RSPH6A: variants seen among roughly 807,000 people sequenced by gnomAD.
The protein encoded by RSPH6A is radial spoke head protein 6 homolog A.
Under a neutral mutation model 66.1 loss-of-function variants are expected in RSPH6A, and 49 were observed. The ratio of observed to expected loss-of-function variants is 0.74; its 90% CI spans 0.59 to 0.94. RSPH6A has a LOEUF of 0.94. Among genes scored for constraint, RSPH6A ranks in the 40% least tolerant of loss-of-function variants. The pLI is 0.00. For missense variants in RSPH6A, 977 were observed against 948.3 expected (o/e 1.03, Z -0.40); for synonymous variants, 419 against 402.4 (o/e 1.04, Z -0.49).
intron 5 of RSPH6A, 54 bp from the exon 6 acceptor site, chr19:45,796,160 C>CTTTTTTT: frequency 1.1e-6 from 1 of 920,114 alleles, no homozygotes; most frequent in Non-Finnish European, 1.5e-6. Context: ...CCAGACTTGA[C>CTTTTTTT]TTTTTTTTTT....
At position 45,814,767 on chromosome 19, in the gene RSPH6A, G is replaced by A; in HGVS notation, c.410C>T (p.Thr137Ile). 6.2e-7 allele frequency: 1 copy of A among 1,613,840 alleles called. No individual in the cohort carries two copies. The highest frequency in any genetic ancestry group is 8.5e-7 in the Non-Finnish European group (1 of 1,179,860). Reference protein sequence around the residue: ...QSSLFQQLDPTFQEPPVNPLG... With the variant: ...QSSLFQQLDPIFQEPPVNPLG... ...GGGGTTGACTGGGGGCTCCTGGAAG[G>A]TGGGGTCCAGTTGCTGGAACAGGCT... The change falls in exon 1 of 6, where the codon ACC (threonine) becomes ATC (isoleucine). Residue 137 changes from threonine (T) to isoleucine (I), a missense_variant. Physicochemically the swap from Thr to Ile is moderately conservative, Grantham distance 89. Transcript: ENST00000221538.
intron 5 of RSPH6A, among the ~76,000 whole-genome samples, chr19:45,799,827 A>T (rs1970448122): frequency 6.6e-6 from 1 of 152,126 alleles, no homozygotes; most frequent in Non-Finnish European, 1.5e-5. Flanking sequence ...CGGGCAGATC[A>T]CTCGAGGTCA....
At chr19:45,812,145 G>A (rs1970638482) in intron 1 of RSPH6A, among the ~76,000 whole-genome samples, 1 of 151,686 alleles carries the variant, frequency 6.6e-6, no homozygotes, top group South Asian at 2.1e-4. Flanking sequence ...AGGCTGGAGT[G>A]CAGTGGCTCG....
Position 45,814,610 on chromosome 19 carries a change from C to T in RSPH6A, c.567G>A (p.Val189=), listed in dbSNP as rs1382660485. The stretch of plus-strand genomic sequence containing the variant: ...CCAGCTCCAGAGGCTCGGGCTCAGG[C>T]ACCTGGGCACTGTAGTGTGGGAAGC... The part of the protein sequence containing the change: ...ELGFPHYSAQ[V]PEPEPLELAV... Residue 189 remains valine (V), a synonymous_variant, in exon 1 of 6, where the codon GTG becomes GTA. Transcript: ENST00000221538. 1.3e-6 allele frequency: 2 copies of T among 1,581,614 alleles called. No homozygotes were observed. Among genetic ancestry groups the T allele is most frequent in the Non-Finnish European group, 1.7e-6 (2 of 1,164,892 alleles).
At chr19:45,813,264 G>A (rs964662747) in intron 1 of RSPH6A, among the ~76,000 whole-genome samples, 5 of 152,004 alleles carry the variant, frequency 3.3e-5, no homozygotes, top group Non-Finnish European at 5.9e-5. Context: ...CTCTTCCTCC[G>A]GTCATCTGCA....
At chr19:45,803,693 G>GAAAAGA (rs1555791377) in intron 3 of RSPH6A, among the ~76,000 whole-genome samples, 5 of 136,052 alleles carry the variant, frequency 3.7e-5, no homozygotes, top group African/African-American at 1.1e-4. Context: ...GAAAAGAAAA[G>GAAAAGA]AAAAAAAAAA....
chr19:45,800,315 G>C (rs1970454215), intron 5 of RSPH6A, 131 bp downstream of exon 5: 2 of 721,926 alleles, frequency 2.8e-6, no homozygotes, highest in Admixed American at 2.5e-5. Flanking sequence ...AGCTATGAGG[G>C]CATTAGTCCT....
chr19:45,801,379 G>C lies in RSPH6A; in HGVS notation c.1798+741C>G, dbSNP rs530412037. On this transcript the variant is annotated intron_variant, in intron 4 of 5. Transcript: ENST00000221538. ...GGATCTGGCTTCAAATCCAGGACCT[G>C]TCCCCTGGCCCACTCCTAGCCTCTC... Among the ~76,000 whole-genome samples, 24 of 152,310 alleles carry C rather than the reference G, an allele frequency of 1.6e-4. No homozygotes were observed. In the South Asian group the frequency reaches 5.0e-3, roughly 32 times the overall value.
rs369919857 is a variant in RSPH6A, at chr19:45,814,784, G to T, written c.393C>A (p.Phe131Leu). The T allele has an allele frequency of 3.7e-6, 6 of 1,613,874 alleles. No individual in the cohort carries two copies. Among genetic ancestry groups the T allele is most frequent in the Non-Finnish European group, 5.1e-6 (6 of 1,179,858 alleles). ...QRLQQGQSSL[F>L]QQLDPTFQEP... ...CCTGGAAGGTGGGGTCCAGTTGCTG[G>T]AACAGGCTGCTTTGGCCCTGCTGGA... The change falls in exon 1 of 6, where the codon TTC becomes TTA. Residue 131 changes from phenylalanine (F) to leucine (L), a missense_variant. Coordinates refer to ENST00000221538, the MANE Select transcript of RSPH6A (RefSeq NM_030785.4).
At chr19:45,800,955 G>A (rs1226637516) in intron 4 of RSPH6A, among the ~76,000 whole-genome samples, 2 of 151,814 alleles carry the variant, frequency 1.3e-5, no homozygotes, top group African/African-American at 2.4e-5. Context: ...GCACCACCAC[G>A]CCCGGCTAAT....
intron 1 of RSPH6A, among the ~76,000 whole-genome samples, chr19:45,811,898 G>A (rs191886464): frequency 2.0e-5 from 3 of 148,846 alleles, no homozygotes; most frequent in East Asian, 2.0e-4. Context: ...CTCCTGCCTC[G>A]GCCTCCTGAG....
In RSPH6A at chr19:45,796,060, CGGG is replaced by C. The variant is rs772404570; in HGVS notation, c.1960_1962del (p.Pro654del). 4 of 1,607,774 alleles carry C rather than the reference CGGG, an allele frequency of 2.5e-6. No individual in the cohort carries two copies. Among genetic ancestry groups the C allele is most frequent in the Non-Finnish European group, 3.4e-6 (4 of 1,175,504 alleles). ...GCTGGCAGGGCCGGGTTGAAGCTCT[CGGG>C]GCTGTACTTGTGACCCCAGCCGATG... is the stretch of plus-strand genomic sequence containing the variant. On this transcript the variant is annotated inframe_deletion, in exon 6 of 6. Coordinates refer to ENST00000221538, the MANE Select transcript of RSPH6A (RefSeq NM_030785.4).
At chr19:45,812,376 A>G (rs969855317) in intron 1 of RSPH6A, among the ~76,000 whole-genome samples, 2 of 152,200 alleles carry the variant, frequency 1.3e-5, no homozygotes, top group South Asian at 4.2e-4. Flanking sequence ...GGCGTGAGCC[A>G]CCAGGCCCGG....
At chr19:45,808,799 C>T (rs1351683475) in intron 2 of RSPH6A, among the ~76,000 whole-genome samples, 2 of 149,888 alleles carry the variant, frequency 1.3e-5, no homozygotes, top group Non-Finnish European at 3.0e-5. Context: ...GTAGCTGGGA[C>T]TACAGGTGAC....
chr19:45,802,789 G>A (rs1014209019), intron 3 of RSPH6A, among the ~76,000 whole-genome samples: 3 of 149,770 alleles, frequency 2.0e-5, no homozygotes, highest in East Asian at 2.0e-4. Context: ...TTACAGGTGC[G>A]AGCCATTGCA....
chr19:45,806,932 T>C (rs192563578), intron 2 of RSPH6A, among the ~76,000 whole-genome samples: 320 of 151,660 alleles, frequency 2.1e-3, no homozygotes, highest in Admixed American at 3.4e-3. Context: ...TCTTGCTCTG[T>C]CACCCAGGCT....
At chr19:45,809,925 A>C (rs1970600181) in intron 2 of RSPH6A, among the ~76,000 whole-genome samples, 2 of 152,330 alleles carry the variant, frequency 1.3e-5, no homozygotes, top group African/African-American at 4.8e-5. Flanking sequence ...CAAAATGCTG[A>C]ATCATGCATT....
chr19:45,802,615 C>T (rs1970487444), intron 3 of RSPH6A, among the ~76,000 whole-genome samples: 1 of 149,746 alleles, frequency 6.7e-6, no homozygotes, highest in Non-Finnish European at 1.5e-5. Flanking sequence ...AAGTGATTCT[C>T]CTGCGTCAGC....
At chr19:45,814,495 C>A in intron 1 of RSPH6A, 32 bp downstream of exon 1, 11 of 1,441,932 alleles carry the variant, frequency 7.6e-6, no homozygotes, top group Non-Finnish European at 1.0e-5. Context: ...TGCCTGGGTC[C>A]CCCACCCGCC....
Sources: gnomAD v4.1 joint callset for allele counts (sites outside exome capture counted in the v4.1 genomes callset) on GRCh38, gnomAD v4.1.1 for gene constraint, MANE v1.5 for transcripts, NCBI Gene and HGNC (gene_info 2026-07-23, HGNC 2026-07-21) for gene names.